FAAH2: variants seen among roughly 807,000 people sequenced by gnomAD.
FAAH2 encodes fatty acid amide hydrolase 2.
FAAH2 carries 60 observed loss-of-function variants against 36.9 expected under a neutral mutation model. That is an observed-to-expected ratio of 1.63 (90% CI 1.32 to 2.02). FAAH2 has a LOEUF of 2.02. Among genes scored for constraint, FAAH2 ranks in the 30% most tolerant of loss-of-function variants. The pLI, the probability that FAAH2 is intolerant of heterozygous loss-of-function variation, is 0.00. For synonymous variants in FAAH2, 214 were observed against 143.8 expected (o/e 1.49, Z -3.49); for missense variants, 689 against 397.5 (o/e 1.73, Z -6.23).
chrX:57,320,262 T>C (rs192107791), intron 3 of FAAH2, among the ~76,000 whole-genome samples: 1 of 112,066 alleles, frequency 8.9e-6, no homozygotes, highest in Admixed American at 9.5e-5. Flanking sequence ...ATTTTTGTGA[T>C]CTATCCATCT....
At chrX:57,250,790 C>T in the FAAH2 span, among the ~76,000 whole-genome samples, 2,665 of 109,350 alleles carry the variant, frequency 0.024, 97 homozygotes, top group African/African-American at 0.084. Flanking sequence ...AAACATTCAA[C>T]CTAAAAAGAC....
At chrX:57,456,650 A>G (rs1300648356) in intron 10 of FAAH2, among the ~76,000 whole-genome samples, 2 of 112,413 alleles carry the variant, frequency 1.8e-5, no homozygotes, top group Non-Finnish European at 3.8e-5. Flanking sequence ...TTCCTTAGAG[A>G]CTATACAGAA....
chrX:57,223,986 C>A, the FAAH2 span, among the ~76,000 whole-genome samples: 937 of 111,581 alleles, frequency 8.4e-3, 2 homozygotes, highest in Non-Finnish European at 0.012. Context: ...TCTAAAAACT[C>A]ACCAGTCGTA....
the FAAH2 span, among the ~76,000 whole-genome samples, chrX:57,238,684 G>T: frequency 8.9e-6 from 1 of 111,765 alleles, no homozygotes; most frequent in Non-Finnish European, 1.9e-5. Context: ...AGTGAGTACA[G>T]GTGAAAGTTT....
At chrX:57,131,957 T>G in the FAAH2 span, among the ~76,000 whole-genome samples, 1 of 112,122 alleles carries the variant, frequency 8.9e-6, no homozygotes, top group African/African-American at 3.2e-5. Context: ...ACTGATCAAT[T>G]GTGTGAGTGT....
intron 10 of FAAH2, among the ~76,000 whole-genome samples, chrX:57,480,035 A>G (rs1029008089): frequency 2.3e-4 from 26 of 111,728 alleles, no homozygotes; most frequent in Non-Finnish European, 2.4e-4. Flanking sequence ...ATTCCTCGAC[A>G]CATACACCCT....
chrX:57,183,876 T>A, the FAAH2 span, among the ~76,000 whole-genome samples: 1 of 110,831 alleles, frequency 9.0e-6, no homozygotes, highest in Admixed American at 9.6e-5. Context: ...TAAATGGACG[T>A]GCAAGTAGGA....
Position 57,374,097 on chromosome X carries a change from A to T in FAAH2, c.743-4554A>T, listed in dbSNP as rs1231142568. On this transcript the variant is annotated intron_variant, in intron 5 of 10. Transcript: ENST00000374900. ...ATGTGCCCATTTTTACAGCAGTATC[A>T]TGTTGTTTTGGTGACTATGGCCTTA... Among the ~76,000 whole-genome samples the T allele has an allele frequency of 2.7e-5, 3 of 111,654 alleles. No individual in the cohort carries two copies. In the East Asian group the frequency reaches 8.5e-4, roughly 31 times the overall value.
At position 57,356,718 on chromosome X, in the gene FAAH2, T is replaced by C. The variant is rs190631278; in HGVS notation, c.742+15328T>C. ...AAACCCAGTTCTTAATTTTGTTGTT[T>C]TTTCTGTTGATTTTTTAACTTACTA... On this transcript the variant is annotated intron_variant, in intron 5 of 10. Coordinates refer to ENST00000374900, the MANE Select transcript of FAAH2 (RefSeq NM_174912.4). 1.5e-3 allele frequency among the ~76,000 whole-genome samples: 169 copies of C among 111,173 alleles called. 1 individual carries two copies. The highest frequency in any genetic ancestry group is 4.7e-3 in the Middle Eastern group (1 of 213).
intron 10 of FAAH2, among the ~76,000 whole-genome samples, chrX:57,460,441 C>T (rs2056938108): frequency 8.9e-6 from 1 of 111,818 alleles, no homozygotes; most frequent in African/African-American, 3.3e-5. Context: ...GGAAACCCGC[C>T]AGACTAATAG....
the FAAH2 span, among the ~76,000 whole-genome samples, chrX:57,160,007 G>A: frequency 5.4e-5 from 6 of 111,789 alleles, no homozygotes; most frequent in African/African-American, 9.8e-5. Context: ...TTTGAGATAC[G>A]TCCCATCAAT....
the FAAH2 span, among the ~76,000 whole-genome samples, chrX:57,194,738 T>TC: frequency 2.7e-5 from 3 of 110,365 alleles, no homozygotes; most frequent in Admixed American, 1.9e-4. Flanking sequence ...CCTCACCTAC[T>TC]CCCCCCCTTC....
chrX:57,467,884 C>A (rs1486220845), intron 10 of FAAH2, among the ~76,000 whole-genome samples: 1 of 111,606 alleles, frequency 9.0e-6, no homozygotes, highest in Non-Finnish European at 1.9e-5. Context: ...CAGCTGGGTA[C>A]CCCTCTGAGA....
chrX:57,329,509 A>T (rs2053334401), intron 3 of FAAH2, among the ~76,000 whole-genome samples: 1 of 109,676 alleles, frequency 9.1e-6, no homozygotes, highest in Admixed American at 9.8e-5. Context: ...CTTGCCAATG[A>T]TCTGACAACA....
At chrX:57,288,830 C>T (rs1255855765) in intron 1 of FAAH2, among the ~76,000 whole-genome samples, 2 of 111,204 alleles carry the variant, frequency 1.8e-5, no homozygotes, top group Non-Finnish European at 3.8e-5. Context: ...TTATTACTAT[C>T]ATCAAGTTTT....
At chrX:57,351,109 C>A (rs1393869595) in intron 5 of FAAH2, among the ~76,000 whole-genome samples, 3 of 111,414 alleles carry the variant, frequency 2.7e-5, no homozygotes, top group African/African-American at 9.7e-5. Flanking sequence ...AGCTTCAACA[C>A]AATTTTTAAA....
intron 7 of FAAH2, among the ~76,000 whole-genome samples, chrX:57,406,408 C>T (rs892652541): frequency 1.1e-4 from 12 of 111,511 alleles, no homozygotes; most frequent in African/African-American, 3.9e-4. Flanking sequence ...GTAGGGGATG[C>T]GTAAGAGCCA....
the FAAH2 span, among the ~76,000 whole-genome samples, chrX:57,139,746 G>A: frequency 9.0e-6 from 1 of 111,695 alleles, no homozygotes; most frequent in Non-Finnish European, 1.9e-5. Flanking sequence ...GAGCCACCAC[G>A]CCTGTCCCCA....
the FAAH2 span, among the ~76,000 whole-genome samples, chrX:57,226,854 C>T: frequency 3.6e-5 from 4 of 111,440 alleles, no homozygotes; most frequent in Non-Finnish European, 7.5e-5. Context: ...TTTTCTTATT[C>T]TTTTTTCTTT....
Sources: gnomAD v4.1 joint callset for allele counts (sites outside exome capture counted in the v4.1 genomes callset) on GRCh38, gnomAD v4.1.1 for gene constraint, MANE v1.5 for transcripts, NCBI Gene and HGNC (gene_info 2026-07-23, HGNC 2026-07-21) for gene names.